Variants in RELN observed in about 807,000 individuals in gnomAD.
The protein encoded by RELN is reelin.
In RELN, 108 loss-of-function variants were observed where a neutral mutation model predicts 427.6. That is an observed-to-expected ratio of 0.25 (90% CI 0.22 to 0.30). The LOEUF (loss-of-function observed/expected upper bound fraction) is 0.30, where lower values mean the gene tolerates loss of function less well. Among genes scored for constraint, RELN ranks in the 10% least tolerant of loss-of-function variants. The pLI is 1.00. For missense variants in RELN, 3,715 were observed against 4,302.8 expected (o/e 0.86, Z 3.82); for synonymous variants, 1,524 against 1,513.4 (o/e 1.01, Z -0.16).
intron 4 of RELN, among the ~76,000 whole-genome samples, chr7:103,759,748 T>C (rs942924772): frequency 6.6e-6 from 1 of 152,164 alleles, no homozygotes; most frequent in Non-Finnish European, 1.5e-5. Flanking sequence ...AGACTTACTT[T>C]GTGAACATTA....
intron 36 of RELN, among the ~76,000 whole-genome samples, chr7:103,561,236 T>C (rs961444485): frequency 6.6e-6 from 1 of 152,188 alleles, no homozygotes; most frequent in Non-Finnish European, 1.5e-5. Context: ...ACATAAAATC[T>C]TAGACTATGG....
intron 3 of RELN, among the ~76,000 whole-genome samples, chr7:103,789,474 G>A (rs1187497739): frequency 6.6e-6 from 1 of 151,728 alleles, no homozygotes; most frequent in Non-Finnish European, 1.5e-5. Flanking sequence ...AATATACAAG[G>A]AACTTAAATT....
At chr7:103,651,499 CAA>C (rs1415386937) in intron 15 of RELN, among the ~76,000 whole-genome samples, 160 bp downstream of exon 15, 3 of 152,112 alleles carry the variant, frequency 2.0e-5, no homozygotes, top group African/African-American at 7.2e-5. Context: ...TCCAGTTTAC[CAA>C]AGATACTATC....
At chr7:103,734,820 G>A (rs1489835600) in intron 6 of RELN, among the ~76,000 whole-genome samples, 4 of 152,054 alleles carry the variant, frequency 2.6e-5, no homozygotes, top group Non-Finnish European at 5.9e-5. Context: ...TCATTTTGAC[G>A]GTGAACATTT....
At chr7:103,827,846 G>A (rs1024203894) in intron 3 of RELN, among the ~76,000 whole-genome samples, 2 of 152,014 alleles carry the variant, frequency 1.3e-5, no homozygotes, top group African/African-American at 4.8e-5. Flanking sequence ...AAAGAAAGAT[G>A]AAATTTCTCC....
intron 10 of RELN, among the ~76,000 whole-genome samples, chr7:103,692,375 GTTT>G (rs1361745301): frequency 6.6e-6 from 1 of 152,098 alleles, no homozygotes; most frequent in Non-Finnish European, 1.5e-5. Flanking sequence ...CAGAAAGCCA[GTTT>G]TGATCACTTG....
intron 54 of RELN, 29 bp from the exon 55 acceptor site, chr7:103,497,955 A>C: frequency 6.2e-7 from 1 of 1,609,082 alleles, no homozygotes; most frequent in Non-Finnish European, 8.5e-7. Flanking sequence ...TATCCATCAG[A>C]ATAATTCATT....
chr7:103,581,342 G>A (rs546126217), intron 28 of RELN, among the ~76,000 whole-genome samples: 1 of 152,216 alleles, frequency 6.6e-6, no homozygotes, highest in South Asian at 2.1e-4. Context: ...AGTATCTCTT[G>A]TGGTTATCCT....
chr7:103,494,394 G>GTGTGTGTGTGTGTGTGTGTGTGTGT (rs774896895), intron 57 of RELN, among the ~76,000 whole-genome samples: 1,681 of 134,472 alleles, frequency 0.013, 28 homozygotes, highest in Admixed American at 0.03. Context: ...TGTGTGTGTG[G>GTGTGTGTGTGTGTGTGTGTGTGTGT]GATATGGTCT....
At position 103,836,436 on chromosome 7, in the gene RELN, C is replaced by A. The variant is rs150769097; in HGVS notation, c.338-2764G>T. ...CTCATGGCTGCCACACTGGACAGCACAGAACAGAACATGTCCATCATCATA... is the reference window on the plus strand; with the variant it reads ...CTCATGGCTGCCACACTGGACAGCAAAGAACAGAACATGTCCATCATCATA... On this transcript the variant is annotated intron_variant, in intron 2 of 64. Coordinates refer to ENST00000428762, the MANE Select transcript of RELN (RefSeq NM_005045.4). Among the ~76,000 whole-genome samples, 263 of 152,272 alleles carry A rather than the reference C, an allele frequency of 1.7e-3. 1 individual carries two copies. The highest frequency in any genetic ancestry group is 1.9e-3 in the Non-Finnish European group (126 of 68,012).
chr7:103,973,098 C>A (rs1227243425), intron 1 of RELN, among the ~76,000 whole-genome samples: 1 of 152,060 alleles, frequency 6.6e-6, no homozygotes, highest in Non-Finnish European at 1.5e-5. Flanking sequence ...GCAAAGGTGC[C>A]CTGAAGGTTT....
chr7:103,858,088 G>C (rs1793987845), intron 2 of RELN, among the ~76,000 whole-genome samples: 1 of 151,828 alleles, frequency 6.6e-6, no homozygotes, highest in Non-Finnish European at 1.5e-5. Context: ...CATGTATATA[G>C]TGTCTAGTTT....
chr7:103,741,280 G>C (rs1790647560), intron 6 of RELN, among the ~76,000 whole-genome samples: 1 of 152,060 alleles, frequency 6.6e-6, no homozygotes. Context: ...AGTTTACATT[G>C]ACTTCTAAGG....
At chr7:103,861,820 T>C (rs1224218511) in intron 2 of RELN, among the ~76,000 whole-genome samples, 1 of 152,140 alleles carries the variant, frequency 6.6e-6, no homozygotes, top group Non-Finnish European at 1.5e-5. Flanking sequence ...TTACTAAGTG[T>C]AGTATTTTTA....
intron 3 of RELN, among the ~76,000 whole-genome samples, chr7:103,796,875 C>CAAAAAAAAAAAAA (rs1310087423): frequency 5.9e-5 from 4 of 67,228 alleles, no homozygotes; most frequent in Non-Finnish European, 1.1e-4. Context: ...CTCCATCTCA[C>CAAAAAAAAAAAAA]AAAAAAAAAA....
intron 28 of RELN, among the ~76,000 whole-genome samples, chr7:103,587,364 T>C (rs757033983): frequency 6.6e-6 from 1 of 152,128 alleles, no homozygotes; most frequent in Non-Finnish European, 1.5e-5. Flanking sequence ...TCTCTCACCA[T>C]ATACAAAAAT....
intron 2 of RELN, among the ~76,000 whole-genome samples, chr7:103,907,394 G>T (rs894597836): frequency 9.1e-6 from 1 of 110,216 alleles, no homozygotes; most frequent in Non-Finnish European, 1.7e-5. Context: ...CTCCAGCCTG[G>T]GCAACAAGAT....
intron 28 of RELN, 64 bp from the exon 29 acceptor site, chr7:103,575,769 A>G: frequency 2.6e-6 from 4 of 1,553,316 alleles, no homozygotes; most frequent in Non-Finnish European, 2.7e-6. Flanking sequence ...ATTGGAATAT[A>G]GAAAAATTCA....
At chr7:103,539,793 G>A (rs2117128301) in intron 44 of RELN, among the ~76,000 whole-genome samples, 1 of 152,334 alleles carries the variant, frequency 6.6e-6, no homozygotes, top group East Asian at 1.9e-4. Flanking sequence ...AGTCTATAAG[G>A]ATGTGGGGGA....
Sources: allele counts gnomAD v4.1 joint callset (sites outside exome capture counted in the v4.1 genomes callset), GRCh38; gene constraint gnomAD v4.1.1; transcripts MANE v1.5; gene names NCBI Gene and HGNC (gene_info 2026-07-23, HGNC 2026-07-21).